Variants in DHRS4L2 observed in about 807,000 individuals in gnomAD.
DHRS4L2 encodes dehydrogenase/reductase 4 like 2.
DHRS4L2 carries 22 observed loss-of-function variants against 23.9 expected under a neutral mutation model. That is an observed-to-expected ratio of 0.92 (90% CI 0.66 to 1.31). DHRS4L2 has a LOEUF of 1.31. Ranked by LOEUF, DHRS4L2 falls within the 40% of genes most tolerant of loss-of-function variation. The pLI is 0.00. For missense variants in DHRS4L2, 385 were observed against 303.3 expected (o/e 1.27, Z -2.00); for synonymous variants, 141 against 123.7 (o/e 1.14, Z -0.93).
rs561017214 is a variant in DHRS4L2, at chr14:23,976,949, T to C, written c.-176+6617T>C. 9.3e-5 allele frequency among the ~76,000 whole-genome samples: 14 copies of C among 150,866 alleles called. 1 individual carries two copies. In the South Asian group the frequency reaches 2.7e-3, roughly 30 times the overall value. On this transcript the variant is annotated intron_variant, in intron 1 of 5. Coordinates refer to the DHRS4L2 transcript ENST00000534993. Reference sequence around the variant, plus strand: ...GAGGGGATCATCACACACCAGGGTCTGTTGGGGGCTGGGGGGCTGGGAGAG... The same window carrying C: ...GAGGGGATCATCACACACCAGGGTCCGTTGGGGGCTGGGGGGCTGGGAGAG...
rs763129931 is a variant in DHRS4L2 at position 23,989,034 on chromosome 14, G to T, written c.87G>T (p.Pro29=). 27 of 1,600,476 alleles carry T rather than the reference G, an allele frequency of 1.7e-5. No homozygotes were observed. In the Admixed American group the frequency reaches 4.7e-4, roughly 28 times the overall value. Reference sequence around the variant, plus strand: ...GCTCCAGGATGACCCGCCGGGACCCGCTCACAAATAAGGTGGCCCTGGTAA... The same window carrying T: ...GCTCCAGGATGACCCGCCGGGACCCTCTCACAAATAAGGTGGCCCTGGTAA... The part of the protein sequence containing the change: ...MASSRMTRRD[P]LTNKVALVTA... The change falls in exon 1 of 8, where the codon CCG becomes CCT. Residue 29 remains proline (P), a synonymous_variant. Coordinates refer to ENST00000335125, the MANE Select transcript of DHRS4L2 (RefSeq NM_198083.4).
intron 3 of DHRS4L2, among the ~76,000 whole-genome samples, chr14:23,997,751 C>A (rs1423608804): frequency 2.0e-5 from 3 of 151,350 alleles, no homozygotes; most frequent in Non-Finnish European, 4.4e-5. Context: ...GCAGTTCCTT[C>A]CTCTGATGCA....
chr14:23,970,744 G>C (rs1191955048), intron 1 of DHRS4L2, among the ~76,000 whole-genome samples: 1 of 152,056 alleles, frequency 6.6e-6, no homozygotes, highest in Non-Finnish European at 1.5e-5. Context: ...TCATACAGGT[G>C]GGTGCCCCTG....
At chr14:23,986,454 A>G (rs1444258561), upstream of DHRS4L2, among the ~76,000 whole-genome samples, 1 of 151,010 alleles carries the variant, frequency 6.6e-6, no homozygotes, top group Non-Finnish European at 1.5e-5. Flanking sequence ...ACATGTGTAC[A>G]TATGTAAAAA....
chr14:23,997,689 A>G (rs1447546496), intron 3 of DHRS4L2, among the ~76,000 whole-genome samples: 4 of 147,240 alleles, frequency 2.7e-5, no homozygotes, highest in Non-Finnish European at 5.9e-5. Context: ...GTAGCAATTC[A>G]GTCCTATCTT....
chr14:23,991,424 A>G (rs892457654), intron 2 of DHRS4L2, among the ~76,000 whole-genome samples: 18 of 151,774 alleles, frequency 1.2e-4, no homozygotes, highest in Admixed American at 1.1e-3. Flanking sequence ...AGCACTAACC[A>G]TACGACATGT....
At chr14:23,995,207 T>C (rs1339785044) in intron 3 of DHRS4L2, 74 bp downstream of exon 3, 1 of 1,544,310 alleles carries the variant, frequency 6.5e-7, no homozygotes, top group South Asian at 1.1e-5. Context: ...GCTTTTAGAA[T>C]GCATTTCTCA....
At chr14:23,993,516 G>A (rs2034311927) in intron 2 of DHRS4L2, among the ~76,000 whole-genome samples, 1 of 151,530 alleles carries the variant, frequency 6.6e-6, no homozygotes, top group Non-Finnish European at 1.5e-5. Flanking sequence ...ACTGCAACTT[G>A]CCCAAGGCAT....
chr14:23,993,850 A>C (rs938723990), intron 2 of DHRS4L2, among the ~76,000 whole-genome samples: 2 of 151,606 alleles, frequency 1.3e-5, no homozygotes, highest in Non-Finnish European at 2.9e-5. Context: ...TGGTTTACTA[A>C]TGACCCCAAC....
At position 24,001,399 on chromosome 14, in the gene DHRS4L2, A is replaced by G. The variant is rs1267310564; in HGVS notation, c.547A>G (p.Asn183Asp). The stretch of plus-strand genomic sequence containing the variant: ...CTTTCTCCAGGGCTTCAGTCCTTAC[A>G]ATGTCAGTAAAACAGCCTTGCTGGG... ...FSPSPGFSPY[N>D]VSKTALLGLN... is the part of the protein sequence containing the mutation. The change falls in exon 6 of 8, where the codon AAT becomes GAT. Residue 183 changes from asparagine to aspartate, a missense_variant. Asn to Asp is a conservative substitution (Grantham distance 23). Transcript: ENST00000335125. The G allele has an allele frequency of 1.2e-5, 19 of 1,607,546 alleles. No homozygotes were observed. Among genetic ancestry groups the G allele is most frequent in the Non-Finnish European group, 1.5e-5 (18 of 1,179,272 alleles).
chr14:23,999,097 G>A (rs2034435977), intron 3 of DHRS4L2, among the ~76,000 whole-genome samples: 2 of 146,940 alleles, frequency 1.4e-5, no homozygotes, highest in Non-Finnish European at 3.0e-5. Flanking sequence ...GGGCAGAGCA[G>A]TCAGAACACA....
At chr14:23,994,339 G>A (rs1278282529) in intron 2 of DHRS4L2, among the ~76,000 whole-genome samples, 1 of 151,822 alleles carries the variant, frequency 6.6e-6, no homozygotes, top group Non-Finnish European at 1.5e-5. Context: ...AAGGGAAAGT[G>A]TAAAGAAAAG....
rs139601318 is a variant in DHRS4L2, at chr14:23,977,892, T to C, written c.-176+7560T>C. ...CCCAAAAATAAACACTGCGTATAACTGATCAAATGGCTGTAACTATGTGCC... is the reference window on the plus strand; with the variant it reads ...CCCAAAAATAAACACTGCGTATAACCGATCAAATGGCTGTAACTATGTGCC... On this transcript the variant is annotated intron_variant, in intron 1 of 5. Coordinates refer to the DHRS4L2 transcript ENST00000534993. Among the ~76,000 whole-genome samples, 140 of 151,810 alleles carry C rather than the reference T, an allele frequency of 9.2e-4. 1 individual carries two copies. Among genetic ancestry groups the C allele is most frequent in the Middle Eastern group, 3.4e-3 (1 of 294 alleles).
At chr14:23,985,235 G>A (rs576972128), upstream of DHRS4L2, among the ~76,000 whole-genome samples, 3 of 151,524 alleles carry the variant, frequency 2.0e-5, no homozygotes, top group East Asian at 3.9e-4. Context: ...AGTTGGTCAC[G>A]ACCCTCAGGC....
At chr14:23,981,216 G>A (rs146356643) in intron 1 of DHRS4L2, among the ~76,000 whole-genome samples, 1,899 of 151,580 alleles carry the variant, frequency 0.013, 66 homozygotes, top group African/African-American at 0.044. Context: ...GCTACAAAGA[G>A]AATAAAATAC....
intron 1 of DHRS4L2, among the ~76,000 whole-genome samples, chr14:23,976,007 G>A (rs2033957014): frequency 2.0e-5 from 3 of 151,288 alleles, no homozygotes; most frequent in African/African-American, 7.3e-5. Flanking sequence ...AAAAACCCTA[G>A]AAGAAAACCT....
At position 23,993,342 on chromosome 14, in the gene DHRS4L2, G is replaced by A. The variant is rs142694346; in HGVS notation, c.307-1690G>A. ...ACTGTAAATTTTGTTAGATTAACAC[G>A]TTGACAAACCCAGCATTCCTTCCAC... is the stretch of plus-strand genomic sequence containing the variant. On this transcript the variant is annotated intron_variant, in intron 2 of 7. Coordinates refer to ENST00000335125, the MANE Select transcript of DHRS4L2 (RefSeq NM_198083.4). 6.3e-4 allele frequency among the ~76,000 whole-genome samples: 96 copies of A among 151,816 alleles called. 4 individuals carry two copies. The highest frequency in any genetic ancestry group is 1.1e-3 in the Non-Finnish European group (78 of 67,918).
chr14:23,990,036 C>A (rs189913915), intron 1 of DHRS4L2, 146 bp from the exon 2 acceptor site: 3 of 1,306,914 alleles, frequency 2.3e-6, no homozygotes, highest in East Asian at 5.0e-5. Context: ...TGCCATTAAG[C>A]CTGTTTTACA....
intron 3 of DHRS4L2, among the ~76,000 whole-genome samples, chr14:24,000,576 C>T (rs896133568): frequency 6.6e-6 from 1 of 151,802 alleles, no homozygotes; most frequent in Admixed American, 6.6e-5. Context: ...AGCTCAAATC[C>T]AAAGGCCCCT....
Sources: gnomAD v4.1 joint callset for allele counts (sites outside exome capture counted in the v4.1 genomes callset) on GRCh38, gnomAD v4.1.1 for gene constraint, MANE v1.5 for transcripts, NCBI Gene and HGNC (gene_info 2026-07-23, HGNC 2026-07-21) for gene names.